SYNE1: variants seen among roughly 807,000 people sequenced by gnomAD.
SYNE1 encodes spectrin repeat containing nuclear envelope protein 1.
Under a neutral mutation model 1,111.0 loss-of-function variants are expected in SYNE1, and 616 were observed. The ratio of observed to expected loss-of-function variants is 0.55; its 90% CI spans 0.52 to 0.59. The LOEUF (loss-of-function observed/expected upper bound fraction) is 0.59, where lower values mean the gene tolerates loss of function less well. SYNE1 is among the 20% of genes least tolerant of loss of function. The pLI, the probability that SYNE1 is intolerant of heterozygous loss-of-function variation, is 0.00. For synonymous variants in SYNE1, 3,855 were observed against 3,825.8 expected, an observed-to-expected ratio of 1.01 and a Z score of -0.28; for missense variants, 10,006 against 10,417.0, an observed-to-expected ratio of 0.96 and a Z score of 1.72.
chr6:152,329,104 A>G (rs1433471921), intron 78 of SYNE1, among the ~76,000 whole-genome samples: 1 of 152,216 alleles, frequency 6.6e-6, no homozygotes, highest in Non-Finnish European at 1.5e-5. Flanking sequence ...CTAATATATA[A>G]TATTAATTAT....
intron 106 of SYNE1, among the ~76,000 whole-genome samples, chr6:152,244,223 G>C (rs2086521010): frequency 6.6e-6 from 1 of 152,010 alleles, no homozygotes; most frequent in Non-Finnish European, 1.5e-5. Context: ...TTCTAGGTAG[G>C]ATTAAAAGTT....
At position 152,435,994 on chromosome 6, in the gene SYNE1, C is replaced by T; in HGVS notation, c.4257G>A (p.Gln1419=). The change falls in exon 33 of 146, where the codon CAG becomes CAA. Residue 1419 remains glutamine (Q), a synonymous_variant. Coordinates refer to ENST00000367255, the MANE Select transcript of SYNE1 (RefSeq NM_182961.4). ...GPQNKQLLQQ[Q]AKSIKEQVKK... ...TGACTTGTTCTTTGATTGACTTGGC[C>T]TGCTGTTGAAGCAGCTGCTTATTTT... 2 of 1,614,092 alleles carry T rather than the reference C, an allele frequency of 1.2e-6. No individual in the cohort carries two copies. The highest frequency in any genetic ancestry group is 1.1e-5 in the South Asian group (1 of 91,078).
intron 72 of SYNE1, among the ~76,000 whole-genome samples, chr6:152,348,473 T>C (rs1000957085): frequency 5.9e-5 from 9 of 152,170 alleles, no homozygotes; most frequent in African/African-American, 1.9e-4. Context: ...TCACCTGAGG[T>C]CAGGAGTTAG....
rs756475223 is a variant in SYNE1 at position 152,381,267 on chromosome 6, A to G, written c.8748T>C (p.Cys2916=). The part of the protein sequence containing the change: ...EVKQNTTASG[C]ELMHTEMQAL... ...CCTGCATCTCCGTGTGCATGAGCTCACACCCACTGGCAGTTGTGTTCTGTT... is the reference window on the plus strand; with the variant it reads ...CCTGCATCTCCGTGTGCATGAGCTCGCACCCACTGGCAGTTGTGTTCTGTT... The change falls in exon 56 of 146, where the codon TGT becomes TGC. Residue 2916 remains cysteine (C), a synonymous_variant. Coordinates refer to ENST00000367255, the MANE Select transcript of SYNE1 (RefSeq NM_182961.4). The G allele has an allele frequency of 3.7e-6, 6 of 1,614,086 alleles. No individual in the cohort carries two copies. The highest frequency in any genetic ancestry group is 5.1e-6 in the Non-Finnish European group (6 of 1,180,052).
chr6:152,350,608 C>A lies in SYNE1; in HGVS notation c.11733+10G>T. ...TAAACCCTTTTACGGAGTCTTTCAT[C>A]TCTCCTTACCTTTCCTATGCTGCAC... is the stretch of plus-strand genomic sequence containing the variant. On this transcript the variant is annotated intron_variant, in intron 71 of 145. Coordinates refer to ENST00000367255, the MANE Select transcript of SYNE1 (RefSeq NM_182961.4). 1.2e-6 allele frequency: 2 copies of A among 1,614,160 alleles called. No homozygotes were observed. Among genetic ancestry groups the A allele is most frequent in the Non-Finnish European group, 8.5e-7 (1 of 1,180,018 alleles).
In SYNE1 at chr6:152,122,486, G is replaced by C. The variant is rs894581389; in HGVS notation, c.26344C>G (p.Arg8782Gly). The change falls in exon 146 of 146, where the codon CGG (arginine) becomes GGG (glycine). Residue 8782 changes from arginine (R) to glycine (G), a missense_variant. Arg to Gly is a moderately radical substitution (Grantham distance 125). Coordinates refer to ENST00000367255, the MANE Select transcript of SYNE1 (RefSeq NM_182961.4). The stretch of plus-strand genomic sequence containing the variant: ...TATCTGAGCATGGGGTGGAATGACC[G>C]GGCAAAGTTGTTGGAGAGGGCACAG... ...YSCALSNNFA[R>G]SFHPMLRYTN... 46 of 1,614,058 alleles carry C rather than the reference G, an allele frequency of 2.8e-5. No homozygotes were observed. The highest frequency in any genetic ancestry group is 3.8e-5 in the Non-Finnish European group (45 of 1,180,040).
Position 152,425,478 on chromosome 6 carries a change from A to G in SYNE1, c.5170T>C (p.Phe1724Leu), listed in dbSNP as rs141996707. 85 of 1,614,224 alleles carry G rather than the reference A, an allele frequency of 5.3e-5. No homozygotes were observed. In the African/African-American group the frequency reaches 8.7e-4, roughly 16 times the overall value. Residue 1724 changes from phenylalanine (F) to leucine (L), a missense_variant, in exon 39 of 146, where the codon TTC (phenylalanine) becomes CTC (leucine). Phe to Leu is a conservative substitution (Grantham distance 22). Coordinates refer to ENST00000367255, the MANE Select transcript of SYNE1 (RefSeq NM_182961.4). ...SKLLQLKESLFSVASKDDVKM... is the reference protein window; with the variant it reads ...SKLLQLKESLLSVASKDDVKM... The stretch of plus-strand genomic sequence containing the variant: ...ACATCATCTTTGGAGGCTACTGAGA[A>G]CAATGATTCCTTCAATTGCAAAAGT...
chr6:152,185,829 CTACTT>C (rs1373166841), intron 128 of SYNE1, among the ~76,000 whole-genome samples: 3 of 152,170 alleles, frequency 2.0e-5, no homozygotes, highest in Admixed American at 2.0e-4. Context: ...ATATGAATGA[CTACTT>C]TAGCAATTAA....
chr6:152,155,385 A>T, intron 132 of SYNE1: 1 of 329,776 alleles, frequency 3.0e-6, no homozygotes, highest in South Asian at 3.1e-5. Flanking sequence ...CCAGTGTCTT[A>T]CGGAAATAAA....
intron 3 of SYNE1, among the ~76,000 whole-genome samples, chr6:152,550,974 C>T (rs1184752310): frequency 2.0e-5 from 3 of 152,074 alleles, no homozygotes; most frequent in Admixed American, 6.6e-5. Flanking sequence ...GCAATCAATA[C>T]AGTGGGAGGA....
intron 41 of SYNE1, among the ~76,000 whole-genome samples, chr6:152,415,954 C>T (rs1294493571): frequency 6.6e-6 from 1 of 152,090 alleles, no homozygotes; most frequent in Non-Finnish European, 1.5e-5. Flanking sequence ...CAGAAACAGT[C>T]TGTGGTTTAT....
chr6:152,188,428 CGTT>C (rs1370624665), intron 128 of SYNE1, among the ~76,000 whole-genome samples: 4 of 151,858 alleles, frequency 2.6e-5, no homozygotes, highest in Non-Finnish European at 5.9e-5. Flanking sequence ...TTTTTTAAAA[CGTT>C]GTGCACATAG....
rs989747489 is a variant in SYNE1, at chr6:152,323,301, G to A, written c.15917+177C>T. Among the ~76,000 whole-genome samples, 3 of 152,302 alleles carry A rather than the reference G, an allele frequency of 2.0e-5. No homozygotes were observed. The East Asian group carries it at 5.8e-4, about 29-fold the overall frequency. On this transcript the variant is annotated intron_variant, in intron 82 of 145. Coordinates refer to ENST00000367255, the MANE Select transcript of SYNE1 (RefSeq NM_182961.4). ...AAAATACAAAAAATTAGCCGGGCGTGGTGGCGGGCGCCTGTAGTCCCAGCT... is the reference window on the plus strand; with the variant it reads ...AAAATACAAAAAATTAGCCGGGCGTAGTGGCGGGCGCCTGTAGTCCCAGCT...
chr6:152,597,422 A>G (rs1218050252), intron 3 of SYNE1, among the ~76,000 whole-genome samples: 1 of 152,156 alleles, frequency 6.6e-6, no homozygotes, highest in African/African-American at 2.4e-5. Context: ...CTGGGACTAC[A>G]GATGTGCACC....
rs2090587878 is a variant in SYNE1, at chr6:152,255,463, C to T, written c.19260+128G>A. On this transcript the variant is annotated intron_variant, in intron 103 of 145. Coordinates refer to ENST00000367255, the MANE Select transcript of SYNE1 (RefSeq NM_182961.4). ...GAACTATAAATATTCTGCATTTAAG[C>T]AATTATGTTCTGCATTATTAGAATT... The T allele has an allele frequency of 3.6e-6, 4 of 1,114,166 alleles. No homozygotes were observed. The South Asian group carries it at 3.8e-5, about 11-fold the overall frequency. 69.0% of individuals were successfully genotyped at this position (1,114,166 alleles called of 1,614,324 possible). A position where few individuals can be genotyped will look rare whatever the true frequency, so the allele number is the denominator to read the frequency against.
intron 4 of SYNE1, among the ~76,000 whole-genome samples, chr6:152,533,341 C>T (rs187459082): frequency 6.6e-6 from 1 of 152,054 alleles, no homozygotes; most frequent in East Asian, 1.9e-4. Context: ...GCAATAATTG[C>T]CCTCCAGCTC....
chr6:152,239,912 GC>G (rs2085166137), intron 107 of SYNE1, among the ~76,000 whole-genome samples: 1 of 152,140 alleles, frequency 6.6e-6, no homozygotes, highest in Admixed American at 6.5e-5. Context: ...ACAAAAATCA[GC>G]CGGGCATGCT....
At chr6:152,545,509 G>A (rs1013129123) in intron 3 of SYNE1, among the ~76,000 whole-genome samples, 2 of 152,156 alleles carry the variant, frequency 1.3e-5, no homozygotes, top group Non-Finnish European at 2.9e-5. Context: ...GAACCTGGGA[G>A]GCAGAGGTTG....
intron 17 of SYNE1, 39 bp downstream of exon 17, chr6:152,465,943 T>G: frequency 7.2e-7 from 1 of 1,381,436 alleles, no homozygotes; most frequent in Non-Finnish European, 1.0e-6. Flanking sequence ...TAAATTCTAC[T>G]GCAGTCTACG....
Sources: gnomAD v4.1 joint callset for allele counts (sites outside exome capture counted in the v4.1 genomes callset) on GRCh38, gnomAD v4.1.1 for gene constraint, MANE v1.5 for transcripts, NCBI Gene and HGNC (gene_info 2026-07-23, HGNC 2026-07-21) for gene names.